Variants in EPAS1 observed in about 807,000 individuals in gnomAD.
The protein encoded by EPAS1 is endothelial PAS domain protein 1, also known as endothelial PAS domain-containing protein 1.
EPAS1 carries 23 observed loss-of-function variants against 87.9 expected under a neutral mutation model. That is an observed-to-expected ratio of 0.26 (90% confidence interval 0.19 to 0.37). EPAS1 has a LOEUF of 0.37. Among genes scored for constraint, EPAS1 ranks in the 10% least tolerant of loss-of-function variants. The pLI is 1.00. For synonymous variants in EPAS1, 508 were observed against 444.3 expected, an observed-to-expected ratio of 1.14 and a Z score of -1.80; for missense variants, 1,138 against 1,120.7, an observed-to-expected ratio of 1.02 and a Z score of -0.22.
chr2:46,314,337 C>T (rs1683272767), intron 1 of EPAS1, among the ~76,000 whole-genome samples: 1 of 152,232 alleles, frequency 6.6e-6, no homozygotes, highest in Non-Finnish European at 1.5e-5. Flanking sequence ...CGGTGTCACT[C>T]TCTACATGGC....
intron 2 of EPAS1, among the ~76,000 whole-genome samples, chr2:46,352,417 C>T (rs756158118): frequency 1.3e-5 from 2 of 152,220 alleles, no homozygotes; most frequent in South Asian, 2.1e-4. Flanking sequence ...TTACCTTGTG[C>T]CTAGCATAAA....
At chr2:46,361,850 T>C (rs1342121490) in intron 6 of EPAS1, among the ~76,000 whole-genome samples, 1 of 152,174 alleles carries the variant, frequency 6.6e-6, no homozygotes, top group Non-Finnish European at 1.5e-5. Flanking sequence ...ACTGGGGTTG[T>C]CATAGGAGGG....
rs755775696 is a variant in EPAS1 at position 46,382,597 on chromosome 2, A to C, written c.2460A>C (p.Ser820=). The C allele has an allele frequency of 6.8e-6, 11 of 1,614,086 alleles. No homozygotes were observed. Among genetic ancestry groups the C allele is most frequent in the Non-Finnish European group, 9.3e-6 (11 of 1,180,036 alleles). Residue 820 remains serine, a splice_region_variant and synonymous_variant, in exon 15 of 16, where the codon TCA becomes TCC. Transcript: ENST00000263734. ...GCCTGTCGTCAGCCCACAAGGTGTC[A>C]GGTGGGTGTGCCCAGGATCTGTCAC... The part of the protein sequence containing the change: ...DYSLSSAHKV[S]GMASRLLGPS...
intron 6 of EPAS1, among the ~76,000 whole-genome samples, chr2:46,363,877 G>T (rs536329181): frequency 1.3e-5 from 2 of 152,214 alleles, no homozygotes; most frequent in African/African-American, 4.8e-5. Flanking sequence ...GACATAGAAT[G>T]CTGTGTCACA....
intron 1 of EPAS1, among the ~76,000 whole-genome samples, chr2:46,338,457 C>T (rs1204601970): frequency 6.6e-6 from 1 of 152,192 alleles, no homozygotes; most frequent in Non-Finnish European, 1.5e-5. Context: ...CAATGGAGAG[C>T]CACGCAAATG....
intron 1 of EPAS1, among the ~76,000 whole-genome samples, chr2:46,302,240 A>G (rs1683021550): frequency 6.6e-6 from 1 of 151,728 alleles, no homozygotes; most frequent in East Asian, 1.9e-4. Context: ...AAACAATTAG[A>G]TAATTCTCAG....
chr2:46,355,679 T>C (rs1444763020), intron 2 of EPAS1, among the ~76,000 whole-genome samples: 1 of 152,210 alleles, frequency 6.6e-6, no homozygotes, highest in Non-Finnish European at 1.5e-5. Flanking sequence ...TAAATACAGA[T>C]TTTCATAAGT....
chr2:46,353,640 G>A (rs1684213862), intron 2 of EPAS1, among the ~76,000 whole-genome samples: 1 of 152,190 alleles, frequency 6.6e-6, no homozygotes. Context: ...ATTTTAGCTG[G>A]GAAAGCTAAC....
chr2:46,313,830 A>G (rs191982053), intron 1 of EPAS1, among the ~76,000 whole-genome samples: 28 of 152,338 alleles, frequency 1.8e-4, no homozygotes, highest in Admixed American at 1.5e-3. Flanking sequence ...GGCAGGGACC[A>G]TGCATTACAT....
chr2:46,379,954 G>A (rs980002128), intron 11 of EPAS1: 6 of 544,706 alleles, frequency 1.1e-5, no homozygotes, highest in Middle Eastern at 5.1e-4. Flanking sequence ...GGCGGGCTCC[G>A]GACAGGTGGG....
rs944674448 is a variant in EPAS1, at chr2:46,380,758, G to A, written c.2045+41G>A. 2 of 1,601,262 alleles carry A rather than the reference G, an allele frequency of 1.2e-6. No individual in the cohort carries two copies. The highest frequency in any genetic ancestry group is 2.2e-5 in the East Asian group (1 of 44,878). On this transcript the variant is annotated intron_variant, in intron 12 of 15. Coordinates refer to ENST00000263734, the MANE Select transcript of EPAS1 (RefSeq NM_001430.5). The surrounding 1 kb of genome is among the most constrained non-coding windows in gnomAD (Gnocchi z 4.4). ...TCAGCTGTACCAGCAGGGCCGAACC[G>A]AGAGGCACCCACTAGTAAGATAGCT...
At chr2:46,298,754 G>A (rs1054717020) in intron 1 of EPAS1, among the ~76,000 whole-genome samples, 2 of 152,178 alleles carry the variant, frequency 1.3e-5, no homozygotes, top group Non-Finnish European at 2.9e-5. Context: ...GCCATTTCTT[G>A]CTGCCCTCTC....
chr2:46,381,792 TGGG>T, intron 13 of EPAS1, 70 bp downstream of exon 13: 1 of 1,603,992 alleles, frequency 6.2e-7, no homozygotes, highest in South Asian at 1.1e-5. Context: ...CTGAGAGGGG[TGGG>T]GATGTGGCCC....
In EPAS1 at chr2:46,360,903, C is replaced by A; in HGVS notation, c.592C>A (p.Gln198Lys). 1.2e-6 allele frequency: 2 copies of A among 1,614,152 alleles called. No individual in the cohort carries two copies. Among genetic ancestry groups the A allele is most frequent in the Non-Finnish European group, 1.7e-6 (2 of 1,180,010 alleles). The part of the protein sequence containing the change: ...ATWKVLHCTG[Q>K]VKVYNNCPPH... ...GTCTCAGGTCTTGCACTGCACGGGC[C>A]AGGTGAAAGTCTACAACAACTGCCC... Residue 198 changes from glutamine (Q) to lysine (K), a missense_variant, in exon 6 of 16, where the codon CAG becomes AAG. Physicochemically the swap from Gln to Lys is moderately conservative, Grantham distance 53 (BLOSUM62 1). Around this residue, in one of 4 missense-constraint regions of EPAS1, gnomAD observed 351 missense variants for 417.1 expected, o/e 0.84. Coordinates refer to ENST00000263734, the MANE Select transcript of EPAS1 (RefSeq NM_001430.5). This position sits in a 1 kb window ranked among gnomAD's most constrained non-coding sequence, Gnocchi z 4.5.
Position 46,347,121 on chromosome 2 carries a change from A to G in EPAS1, c.217+58A>G, listed in dbSNP as rs1201304956. The G allele has an allele frequency of 2.5e-6, 4 of 1,599,516 alleles. No individual in the cohort carries two copies. The highest frequency in any genetic ancestry group is 2.6e-6 in the Non-Finnish European group (3 of 1,167,040). ...ATGCCAGCCTTACCAGCATGTTCCT[A>G]TATGCAGGGGACCCTTCTGCTGCCA... On this transcript the variant is annotated intron_variant, in intron 2 of 15. Coordinates refer to ENST00000263734, the MANE Select transcript of EPAS1 (RefSeq NM_001430.5). The surrounding 1 kb of genome is among the most constrained non-coding windows in gnomAD (Gnocchi z 4.2).
At chr2:46,367,163 C>CTT in intron 6 of EPAS1, among the ~76,000 whole-genome samples, 1 of 152,170 alleles carries the variant, frequency 6.6e-6, no homozygotes, top group East Asian at 1.9e-4. Context: ...CATTGTATGC[C>CTT]TTTGAATGGA....
rs1189767358 is a variant in EPAS1, at chr2:46,326,849, AGAG to A, written c.27-20020_27-20018del. ...GGGAAAATGGTTCTAGGGGTTTTGG[AGAG>A]GAGAAGTGAGAGGGAGGCGGTAAGC... On this transcript the variant is annotated intron_variant, in intron 1 of 15. Coordinates refer to ENST00000263734, the MANE Select transcript of EPAS1 (RefSeq NM_001430.5). Among the ~76,000 whole-genome samples the A allele has an allele frequency of 7.9e-5, 12 of 152,240 alleles. No homozygotes were observed. The East Asian group carries it at 1.9e-3, about 24-fold the overall frequency.
intron 1 of EPAS1, among the ~76,000 whole-genome samples, chr2:46,316,874 A>T (rs917842901): frequency 6.6e-6 from 1 of 152,230 alleles, no homozygotes; most frequent in African/African-American, 2.4e-5. Flanking sequence ...ATCCTCTCAA[A>T]CCCTGCCACT....
At chr2:46,382,189 T>C in intron 14 of EPAS1, 100 bp downstream of exon 14, 1 of 1,205,746 alleles carries the variant, frequency 8.3e-7, no homozygotes, top group Non-Finnish European at 1.2e-6. Flanking sequence ...AGGCCGTACC[T>C]GCCTCTCTGA....
Sources: allele counts gnomAD v4.1 joint callset (sites outside exome capture counted in the v4.1 genomes callset), GRCh38; gene constraint gnomAD v4.1.1; regional missense constraint gnomAD v4.1.1; non-coding constraint Gnocchi (gnomAD v3.1); transcripts MANE v1.5; gene names NCBI Gene and HGNC (gene_info 2026-07-23, HGNC 2026-07-21).